The following CSMD1 variants were observed in gnomAD, a reference collection of about 807,000 sequenced individuals.
The protein encoded by CSMD1 is CUB and sushi domain-containing protein 1.
Under a neutral mutation model 417.5 loss-of-function variants are expected in CSMD1, and 213 were observed. That is an observed-to-expected ratio of 0.51 (90% CI 0.46 to 0.57). The LOEUF is 0.57. CSMD1 is among the 20% of genes least tolerant of loss of function. CSMD1 has a pLI of 0.00. For synonymous variants in CSMD1, 2,862 were observed against 1,736.8 expected (o/e 1.65, Z -16.11); for missense variants, 6,923 against 4,529.7 (o/e 1.53, Z -15.17).
intron 2 of CSMD1, among the ~76,000 whole-genome samples, chr8:4,588,779 GAC>G (rs10576784): frequency 0.19 from 27,723 of 146,284 alleles, 3,249 homozygotes; most frequent in African/African-American, 0.35. Context: ...GCAAGACTCC[GAC>G]ACACACACAC....
rs141328580 is a variant in CSMD1, at chr8:4,008,588, C to G, written c.611-10478G>C. On this transcript the variant is annotated intron_variant, in intron 4 of 69. Coordinates refer to ENST00000635120, the MANE Select transcript of CSMD1 (RefSeq NM_033225.6). ...CACACAACACATGATTCAGTATTTTCTTTCTTTTTTTCTTTTTTTTTTTTT... is the reference window on the plus strand; with the variant it reads ...CACACAACACATGATTCAGTATTTTGTTTCTTTTTTTCTTTTTTTTTTTTT... 4.7e-3 allele frequency among the ~76,000 whole-genome samples: 413 copies of G among 87,846 alleles called. 1 individual carries two copies. The highest frequency in any genetic ancestry group is 0.017 in the African/African-American group (406 of 24,098). The allele number at this position is 87,846 out of a possible 152,430, so 57.6% of individuals were successfully genotyped here.
chr8:3,575,032 G>T lies in CSMD1; in HGVS notation c.1257C>A (p.Ser419Arg). Residue 419 changes from serine (S) to arginine (R), a missense_variant, in exon 10 of 70, where the codon AGC (serine) becomes AGA (arginine). Physicochemically the swap from Ser to Arg is moderately radical, Grantham distance 110. Transcript: ENST00000635120. The part of the protein sequence containing the change: ...RTCGSNLRGP[S>R]GVITSPNYPV... Reference sequence around the variant, plus strand: ...GATAATTAGGGGAGGTAATGACGCCGCTGGGCCCACGCAGATTGGATCCAC... The same window carrying T: ...GATAATTAGGGGAGGTAATGACGCCTCTGGGCCCACGCAGATTGGATCCAC... 1 of 1,613,378 alleles carries T rather than the reference G, an allele frequency of 6.2e-7. No individual in the cohort carries two copies. Among genetic ancestry groups the T allele is most frequent in the Non-Finnish European group, 8.5e-7 (1 of 1,179,660 alleles).
chr8:4,757,610 T>G (rs138255491), intron 1 of CSMD1, among the ~76,000 whole-genome samples: 11 of 152,288 alleles, frequency 7.2e-5, no homozygotes, highest in African/African-American at 2.6e-4. Context: ...CTCTACCAAG[T>G]TGGATTATGT....
At chr8:3,295,903 G>A (rs781531461) in intron 25 of CSMD1, among the ~76,000 whole-genome samples, 1 of 152,070 alleles carries the variant, frequency 6.6e-6, no homozygotes, top group Non-Finnish European at 1.5e-5. Context: ...TCGGCACCAA[G>A]AGTGTACTGA....
At chr8:3,313,996 C>A (rs558683361) in intron 23 of CSMD1, among the ~76,000 whole-genome samples, 1 of 152,090 alleles carries the variant, frequency 6.6e-6, no homozygotes, top group African/African-American at 2.4e-5. Flanking sequence ...TGGAAACCAT[C>A]ATTCTCAGCA....
At chr8:4,434,363 C>G (rs1027212181) in intron 2 of CSMD1, among the ~76,000 whole-genome samples, 1 of 152,112 alleles carries the variant, frequency 6.6e-6, no homozygotes, top group Non-Finnish European at 1.5e-5. Context: ...GAGACTGTCT[C>G]TAACTAACTA....
At chr8:3,635,793 C>CAAAAAAAA (rs752552617) in intron 7 of CSMD1, among the ~76,000 whole-genome samples, 98 of 98,724 alleles carry the variant, frequency 9.9e-4, no homozygotes, top group Non-Finnish European at 1.2e-3. Flanking sequence ...GCTTCCATCT[C>CAAAAAAAA]AAAAAAAAAA....
intron 49 of CSMD1, among the ~76,000 whole-genome samples, chr8:3,057,571 G>T (rs1439798766): frequency 6.8e-6 from 1 of 147,176 alleles, no homozygotes; most frequent in Admixed American, 6.8e-5. Context: ...TAGTTATAGT[G>T]TTTTCACATC....
intron 3 of CSMD1, among the ~76,000 whole-genome samples, chr8:4,327,772 A>G (rs78801581): frequency 0.027 from 4,151 of 152,318 alleles, 74 homozygotes; most frequent in African/African-American, 0.037. Flanking sequence ...TTTTTATTTA[A>G]TCATAAAACC....
intron 37 of CSMD1, among the ~76,000 whole-genome samples, chr8:3,173,341 C>T (rs947692213): frequency 6.6e-6 from 1 of 152,082 alleles, no homozygotes; most frequent in Non-Finnish European, 1.5e-5. Context: ...AGACAGAAGC[C>T]AGAATTTACA....
At chr8:4,831,741 G>A (rs1800161652) in intron 1 of CSMD1, among the ~76,000 whole-genome samples, 2 of 152,042 alleles carry the variant, frequency 1.3e-5, no homozygotes. Flanking sequence ...CCTGGCCTTG[G>A]GGTTCTAGTC....
At chr8:4,356,343 C>CAA (rs1437335532) in intron 3 of CSMD1, among the ~76,000 whole-genome samples, 3 of 151,792 alleles carry the variant, frequency 2.0e-5, no homozygotes, top group African/African-American at 7.3e-5. Context: ...CACACACACA[C>CAA]ACACACCAGT....
intron 5 of CSMD1, among the ~76,000 whole-genome samples, chr8:3,976,174 C>T (rs1025868170): frequency 2.0e-5 from 3 of 151,776 alleles, no homozygotes; most frequent in East Asian, 3.9e-4. Flanking sequence ...GTTTCAAATA[C>T]GAGATAACTT....
At chr8:3,628,992 G>C (rs574459882) in intron 7 of CSMD1, among the ~76,000 whole-genome samples, 1 of 152,202 alleles carries the variant, frequency 6.6e-6, no homozygotes, top group South Asian at 2.1e-4. Flanking sequence ...ATAGAGAAAA[G>C]GGAAAGAAAA....
intron 1 of CSMD1, among the ~76,000 whole-genome samples, chr8:4,669,981 G>T (rs1244395964): frequency 6.6e-6 from 1 of 152,132 alleles, no homozygotes; most frequent in Non-Finnish European, 1.5e-5. Flanking sequence ...CTGAGCTGAA[G>T]ATCTATTAAC....
intron 3 of CSMD1, among the ~76,000 whole-genome samples, chr8:4,335,520 T>C (rs1364183744): frequency 1.3e-5 from 2 of 152,096 alleles, no homozygotes; most frequent in Admixed American, 6.6e-5. Flanking sequence ...TCACCTGCCA[T>C]GTAAGAACAT....
intron 7 of CSMD1, among the ~76,000 whole-genome samples, chr8:3,627,967 G>A (rs908090722): frequency 1.3e-5 from 2 of 152,190 alleles, no homozygotes; most frequent in South Asian, 2.1e-4. Context: ...TTCACACTTC[G>A]CTAATATTTG....
rs182397591 is a variant in CSMD1, at chr8:4,173,994, G to C, written c.416-141895C>G. 5.3e-5 allele frequency among the ~76,000 whole-genome samples: 8 copies of C among 152,278 alleles called. No individual in the cohort carries two copies. In the East Asian group the frequency reaches 7.7e-4, roughly 15 times the overall value. On this transcript the variant is annotated intron_variant, in intron 3 of 69. Coordinates refer to ENST00000635120, the MANE Select transcript of CSMD1 (RefSeq NM_033225.6). Reference sequence around the variant, plus strand: ...TCCTGACTGGAAGCAAAGGATATGTGACCATGCCTGGATCAATCACCATGG... The same window carrying C: ...TCCTGACTGGAAGCAAAGGATATGTCACCATGCCTGGATCAATCACCATGG...
intron 3 of CSMD1, among the ~76,000 whole-genome samples, chr8:4,161,027 A>G (rs1055717577): frequency 6.6e-6 from 1 of 152,166 alleles, no homozygotes; most frequent in African/African-American, 2.4e-5. Context: ...TTTGCATTAA[A>G]TCACGGCACT....
Sources: gnomAD v4.1 joint callset for allele counts (sites outside exome capture counted in the v4.1 genomes callset) on GRCh38, gnomAD v4.1.1 for gene constraint, MANE v1.5 for transcripts, NCBI Gene and HGNC (gene_info 2026-07-23, HGNC 2026-07-21) for gene names.